ARHGAP12: variants seen among roughly 807,000 people sequenced by gnomAD.
ARHGAP12 encodes rho GTPase-activating protein 12.
A neutral mutation model predicts 108.6 loss-of-function variants in ARHGAP12; 64 were observed. That is an observed-to-expected ratio of 0.59 (90% CI 0.48 to 0.73). The LOEUF is 0.73. ARHGAP12 is among the 30% of genes least tolerant of loss of function. The probability of loss-of-function intolerance (pLI) is 0.00; values close to 1 mark genes in which losing one functional copy is unlikely to be tolerated. For synonymous variants in ARHGAP12, 312 were observed against 337.2 expected, an observed-to-expected ratio of 0.93 and a Z score of 0.82; for missense variants, 940 against 1,005.9, an observed-to-expected ratio of 0.93 and a Z score of 0.89.
intron 6 of ARHGAP12, among the ~76,000 whole-genome samples, chr10:31,845,615 T>C (rs1486559338): frequency 6.6e-6 from 1 of 152,124 alleles, no homozygotes. Context: ...TAAAAGCCTG[T>C]CTCTACTAAA....
chr10:31,848,880 G>T (rs1359934160), intron 6 of ARHGAP12, among the ~76,000 whole-genome samples: 1 of 152,064 alleles, frequency 6.6e-6, no homozygotes, highest in Non-Finnish European at 1.5e-5. Flanking sequence ...AGACTAGTCT[G>T]ACCAACATGA....
intron 3 of ARHGAP12, among the ~76,000 whole-genome samples, chr10:31,899,416 CTT>C (rs1838834973): frequency 6.6e-6 from 1 of 152,102 alleles, no homozygotes; most frequent in African/African-American, 2.4e-5. Flanking sequence ...AAGCAAAAGA[CTT>C]AGAACAGCCA....
At chr10:31,840,763 A>T (rs2132231619) in intron 7 of ARHGAP12, among the ~76,000 whole-genome samples, 1 of 152,274 alleles carries the variant, frequency 6.6e-6, no homozygotes. Flanking sequence ...TTTATATCCC[A>T]CACAATTTGT....
intron 4 of ARHGAP12, among the ~76,000 whole-genome samples, chr10:31,860,544 C>G (rs11815441): frequency 2.4e-4 from 36 of 152,288 alleles, no homozygotes; most frequent in African/African-American, 7.9e-4. Flanking sequence ...AAAAAGAGTA[C>G]AGACACTTGT....
rs1838218841 is a variant in ARHGAP12, at chr10:31,887,128, GC to G, written c.684+21043del. ...GGCATTACCTCATGTACTTGTGGAG[GC>G]TTGGCAAATCTACAATCTGCAGGGT... On this transcript the variant is annotated intron_variant, in intron 3 of 19. Coordinates refer to ENST00000344936, the MANE Select transcript of ARHGAP12 (RefSeq NM_018287.7). Among the ~76,000 whole-genome samples, 8 of 152,276 alleles carry G rather than the reference GC, an allele frequency of 5.3e-5. No homozygotes were observed. In the South Asian group the frequency reaches 1.7e-3, roughly 32 times the overall value.
At chr10:31,811,067 C>T (rs1277496640) in intron 15 of ARHGAP12, among the ~76,000 whole-genome samples, 1 of 152,138 alleles carries the variant, frequency 6.6e-6, no homozygotes, top group African/African-American at 2.4e-5. Flanking sequence ...TTTAATAACC[C>T]CTCTGACCAT....
chr10:31,892,454 T>C (rs1411901735), intron 3 of ARHGAP12, among the ~76,000 whole-genome samples: 1 of 152,132 alleles, frequency 6.6e-6, no homozygotes, highest in Non-Finnish European at 1.5e-5. Context: ...AAGGCAGTCC[T>C]AGTCTCTGAT....
At position 31,862,696 on chromosome 10, in the gene ARHGAP12, GCACACACAGACACACACACA is replaced by G. The variant is rs1202137385; in HGVS notation, c.685-1058_685-1039del. Among the ~76,000 whole-genome samples, 673 of 122,258 alleles carry G rather than the reference GCACACACAGACACACACACA, an allele frequency of 5.5e-3. 2 individuals carry two copies. Among genetic ancestry groups the G allele is most frequent in the African/African-American group, 0.018 (609 of 33,438 alleles). The allele number at this position is 122,258 out of a possible 152,430, so 80.2% of individuals were successfully genotyped here. A position where few individuals can be genotyped will look rare whatever the true frequency, so the allele number is the denominator to read the frequency against. ...TAACCACCAGATGACAGTGGCGCAT[GCACACACAGACACACACACA>G]CACACACACACACACACACACACAC... On this transcript the variant is annotated intron_variant, in intron 3 of 19. Transcript: ENST00000344936.
intron 3 of ARHGAP12, among the ~76,000 whole-genome samples, chr10:31,893,714 GA>G (rs1166226574): frequency 1.3e-5 from 2 of 152,068 alleles, no homozygotes; most frequent in East Asian, 3.9e-4. Flanking sequence ...CCAAACAACA[GA>G]AAAAGAGGGA....
chr10:31,889,619 G>GTTTTTTTT (rs869116452), intron 3 of ARHGAP12, among the ~76,000 whole-genome samples: 50 of 66,444 alleles, frequency 7.5e-4, no homozygotes, highest in Non-Finnish European at 9.8e-4. Flanking sequence ...AATTTTTCTC[G>GTTTTTTTT]TTTTTTTTTT....
At position 31,872,788 on chromosome 10, in the gene ARHGAP12, G is replaced by A. The variant is rs1468340001; in HGVS notation, c.685-11130C>T. Among the ~76,000 whole-genome samples the A allele has an allele frequency of 2.0e-5, 3 of 152,096 alleles. No homozygotes were observed. The East Asian group carries it at 5.8e-4, about 29-fold the overall frequency. On this transcript the variant is annotated intron_variant, in intron 3 of 19. Transcript: ENST00000344936. ...CTTGAAAGAGAACTGTGGCTCTTAA[G>A]TACTCCAGTCCCAATCTTTTCTGCC...
At chr10:31,813,117 CTTT>C (rs1835079682) in intron 14 of ARHGAP12, among the ~76,000 whole-genome samples, 1 of 152,096 alleles carries the variant, frequency 6.6e-6, no homozygotes, top group African/African-American at 2.4e-5. Flanking sequence ...CTAACATATT[CTTT>C]ATTTCATAAA....
intron 12 of ARHGAP12, among the ~76,000 whole-genome samples, chr10:31,818,755 A>G (rs766189945): frequency 2.0e-5 from 3 of 152,232 alleles, no homozygotes; most frequent in Non-Finnish European, 4.4e-5. Context: ...TGAAGAAAAT[A>G]TAACTAGATT....
At chr10:31,821,863 A>G (rs1047102103) in intron 11 of ARHGAP12, among the ~76,000 whole-genome samples, 7 of 152,330 alleles carry the variant, frequency 4.6e-5, no homozygotes, top group African/African-American at 1.7e-4. Flanking sequence ...CAAATTAAAC[A>G]TAAAGCTATA....
At chr10:31,895,180 T>C (rs1041632611) in intron 3 of ARHGAP12, among the ~76,000 whole-genome samples, 11 of 152,158 alleles carry the variant, frequency 7.2e-5, no homozygotes, top group Admixed American at 2.6e-4. Flanking sequence ...ATTCAGGACA[T>C]AGGCATGGGC....
At chr10:31,844,340 A>G (rs986126006) in intron 6 of ARHGAP12, among the ~76,000 whole-genome samples, 1 of 152,208 alleles carries the variant, frequency 6.6e-6, no homozygotes, top group Non-Finnish European at 1.5e-5. Flanking sequence ...TTAAAGTTTT[A>G]CTTGTTATAT....
At chr10:31,881,111 A>C (rs761996938) in intron 3 of ARHGAP12, among the ~76,000 whole-genome samples, 2 of 151,966 alleles carry the variant, frequency 1.3e-5, no homozygotes, top group Non-Finnish European at 2.9e-5. Flanking sequence ...AGTGTCTGAG[A>C]CTACAACAAG....
At chr10:31,866,581 C>G (rs2808083) in intron 3 of ARHGAP12, among the ~76,000 whole-genome samples, 2 of 151,774 alleles carry the variant, frequency 1.3e-5, no homozygotes, top group Non-Finnish European at 2.9e-5. Flanking sequence ...ATTATAAACA[C>G]CATACAATGA....
chr10:31,925,562 G>C (rs11818200), intron 1 of ARHGAP12, among the ~76,000 whole-genome samples: 1 of 151,950 alleles, frequency 6.6e-6, no homozygotes. Context: ...TCTGTTCCAG[G>C]GTCCCATCCA....
Sources: gnomAD v4.1 joint callset for allele counts (sites outside exome capture counted in the v4.1 genomes callset) on GRCh38, gnomAD v4.1.1 for gene constraint, MANE v1.5 for transcripts, NCBI Gene and HGNC (gene_info 2026-07-23, HGNC 2026-07-21) for gene names.